The following EFCAB5 variants were observed in gnomAD, a reference collection of about 807,000 sequenced individuals.
The protein encoded by EFCAB5 is EF-hand calcium-binding domain-containing protein 5.
A neutral mutation model predicts 167.9 loss-of-function variants in EFCAB5; 131 were observed. The ratio of observed to expected loss-of-function variants is 0.78; its 90% CI spans 0.68 to 0.90. The LOEUF (loss-of-function observed/expected upper bound fraction) is 0.90. Among genes scored for constraint, EFCAB5 ranks in the 40% least tolerant of loss-of-function variants. The pLI, the probability that EFCAB5 is intolerant of heterozygous loss-of-function variation, is 0.00. For synonymous variants in EFCAB5, 574 were observed against 602.8 expected, an observed-to-expected ratio of 0.95 and a Z score of 0.70; for missense variants, 1,663 against 1,745.2, an observed-to-expected ratio of 0.95 and a Z score of 0.84.
At chr17:30,012,587 C>T (rs1232702284) in intron 7 of EFCAB5, among the ~76,000 whole-genome samples, 1 of 152,154 alleles carries the variant, frequency 6.6e-6, no homozygotes, top group Non-Finnish European at 1.5e-5. Context: ...TATCCTGCCC[C>T]TTTGTCTTAT....
chr17:30,017,126 G>A (rs542648367), intron 7 of EFCAB5, among the ~76,000 whole-genome samples: 26 of 152,012 alleles, frequency 1.7e-4, no homozygotes, highest in African/African-American at 4.6e-4. Flanking sequence ...ATAGTGAGCC[G>A]TGATCATGCC....
chr17:29,982,069 T>G (rs2068187199), intron 4 of EFCAB5, among the ~76,000 whole-genome samples: 1 of 152,154 alleles, frequency 6.6e-6, no homozygotes, highest in Non-Finnish European at 1.5e-5. Flanking sequence ...AGGCATATAT[T>G]TCATATATGG....
chr17:30,051,320 C>T (rs1287819032), intron 9 of EFCAB5, 103 bp downstream of exon 9: 1 of 900,422 alleles, frequency 1.1e-6, no homozygotes, highest in East Asian at 2.7e-5. Context: ...TATTCTACCA[C>T]CATGGAATCC....
intron 3 of EFCAB5, among the ~76,000 whole-genome samples, chr17:29,952,122 A>T (rs551896568): frequency 6.6e-6 from 1 of 152,230 alleles, no homozygotes; most frequent in Admixed American, 6.5e-5. Flanking sequence ...CCTAGATGGC[A>T]CCTTGAACAT....
intron 5 of EFCAB5, among the ~76,000 whole-genome samples, chr17:29,993,885 G>A (rs190837853): frequency 8.2e-4 from 124 of 151,952 alleles, no homozygotes; most frequent in African/African-American, 2.7e-3. Context: ...TTTGGAGGCC[G>A]AGGTGGGAGG....
Position 29,999,945 on chromosome 17 carries a change from A to G in EFCAB5, c.1013A>G (p.Glu338Gly). 1 of 1,583,948 alleles carries G rather than the reference A, an allele frequency of 6.3e-7. No homozygotes were observed. The highest frequency in any genetic ancestry group is 2.3e-5 in the East Asian group (1 of 43,860). Residue 338 changes from glutamate to glycine, a missense_variant, in exon 7 of 23, where the codon GAA becomes GGA. Coordinates refer to ENST00000394835, the MANE Select transcript of EFCAB5 (RefSeq NM_198529.4). The part of the protein sequence containing the change: ...CKQLDITDST[E>G]PRLNKMEFTE... The stretch of plus-strand genomic sequence containing the variant: ...CAACTGGATATTACTGACTCAACAG[A>G]ACCAAGATTGAACAAAATGGAATTT...
Position 30,087,452 on chromosome 17 carries a change from C to T in EFCAB5, c.3683+286C>T, listed in dbSNP as rs116549150. The stretch of plus-strand genomic sequence containing the variant: ...TTTTTCCTAATGTTCTCCCTACCCT[C>T]GCCCCCTTGACAGGCCCCAGTGTGT... On this transcript the variant is annotated intron_variant, in intron 19 of 22. Coordinates refer to ENST00000394835, the MANE Select transcript of EFCAB5 (RefSeq NM_198529.4). 4.1e-3 allele frequency among the ~76,000 whole-genome samples: 631 copies of T among 152,272 alleles called. 5 individuals carry two copies. Among genetic ancestry groups the T allele is most frequent in the African/African-American group, 0.014 (596 of 41,536 alleles).
At position 29,969,008 on chromosome 17, in the gene EFCAB5, G is replaced by T. The variant is rs1331520459; in HGVS notation, c.408G>T (p.Lys136Asn). ...CAATGCAGCAGAAAATAATAGATAA[G>T]GAAAATCTGAAGAAGGAACTAGAAA... ...AQAMQQKIID[K>N]ENLKKELEKK... is the part of the protein sequence containing the mutation. The change falls in exon 4 of 23, where the codon AAG becomes AAT. Residue 136 changes from lysine (K) to asparagine (N), a missense_variant. Physicochemically the swap from Lys to Asn is moderately conservative, Grantham distance 94. Coordinates refer to ENST00000394835, the MANE Select transcript of EFCAB5 (RefSeq NM_198529.4). 1.3e-6 allele frequency: 2 copies of T among 1,589,416 alleles called. No individual in the cohort carries two copies. Among genetic ancestry groups the T allele is most frequent in the Non-Finnish European group, 8.6e-7 (1 of 1,169,556 alleles).
chr17:29,944,189 T>C (rs9909093), intron 3 of EFCAB5, among the ~76,000 whole-genome samples: 74,575 of 151,824 alleles, frequency 0.49, 18,690 homozygotes, highest in East Asian at 0.68. Flanking sequence ...GATCCTCCTA[T>C]CTCAGCCTCC....
intron 7 of EFCAB5, among the ~76,000 whole-genome samples, chr17:30,012,374 C>T (rs953773573): frequency 6.6e-6 from 1 of 152,202 alleles, no homozygotes; most frequent in Non-Finnish European, 1.5e-5. Context: ...CCTTCATGTT[C>T]CATCCTGTAC....
At chr17:30,018,283 G>GA (rs1400703333) in intron 7 of EFCAB5, among the ~76,000 whole-genome samples, 6 of 151,504 alleles carry the variant, frequency 4.0e-5, no homozygotes, top group East Asian at 1.9e-4. Flanking sequence ...TAAAACACTG[G>GA]AAAAAAAGAA....
chr17:30,095,473 TC>T (rs1248668861), intron 22 of EFCAB5, among the ~76,000 whole-genome samples: 2 of 152,124 alleles, frequency 1.3e-5, no homozygotes, highest in Admixed American at 1.3e-4. Flanking sequence ...GGACTCACAG[TC>T]CTAATTAACT....
intron 7 of EFCAB5, among the ~76,000 whole-genome samples, chr17:30,033,566 T>A (rs991592134): frequency 2.0e-5 from 3 of 152,188 alleles, no homozygotes; most frequent in Non-Finnish European, 4.4e-5. Flanking sequence ...TAATCACTCA[T>A]GCATTAGTCA....
intron 22 of EFCAB5, among the ~76,000 whole-genome samples, chr17:30,100,408 C>T (rs1353044288): frequency 1.3e-5 from 2 of 152,048 alleles, no homozygotes; most frequent in Non-Finnish European, 2.9e-5. Flanking sequence ...GCAGTGGATG[C>T]AAAGGTGGGA....
rs75145410 is a variant in EFCAB5 at position 30,047,041 on chromosome 17, G to A, written c.1201-4077G>A. 5.2e-3 allele frequency among the ~76,000 whole-genome samples: 786 copies of A among 152,270 alleles called. 5 individuals carry two copies. The highest frequency in any genetic ancestry group is 9.3e-3 in the Non-Finnish European group (632 of 68,028). On this transcript the variant is annotated intron_variant, in intron 8 of 22. Transcript: ENST00000394835. ...ACTAAGAAGGATAGATATAACTTTG[G>A]ATTGCCTCAAATTTATCAGTATTGC...
At chr17:30,005,398 C>T (rs185672724) in intron 7 of EFCAB5, among the ~76,000 whole-genome samples, 2,154 of 152,248 alleles carry the variant, frequency 0.014, 32 homozygotes, top group South Asian at 0.047. Context: ...TTTGAGATTT[C>T]TGGTGAGATT....
chr17:30,026,866 A>G (rs1051412633), intron 7 of EFCAB5, among the ~76,000 whole-genome samples: 4 of 145,528 alleles, frequency 2.7e-5, no homozygotes, highest in Non-Finnish European at 6.0e-5. Flanking sequence ...GTGAACCGCT[A>G]TGCCCAGCAG....
intron 7 of EFCAB5, among the ~76,000 whole-genome samples, chr17:30,014,523 C>G (rs923171190): frequency 1.3e-5 from 2 of 152,180 alleles, no homozygotes; most frequent in Non-Finnish European, 2.9e-5. Context: ...GTTAGCTCTT[C>G]TTGTTGAATT....
At chr17:29,946,630 G>A (rs2067405975) in intron 3 of EFCAB5, among the ~76,000 whole-genome samples, 1 of 151,678 alleles carries the variant, frequency 6.6e-6, no homozygotes, top group Non-Finnish European at 1.5e-5. Flanking sequence ...AGTAGAGACT[G>A]GGTTTCACCA....
Sources: allele counts gnomAD v4.1 joint callset (sites outside exome capture counted in the v4.1 genomes callset), GRCh38; gene constraint gnomAD v4.1.1; transcripts MANE v1.5; gene names NCBI Gene and HGNC (gene_info 2026-07-23, HGNC 2026-07-21).